CFAP44: variants seen among roughly 807,000 people sequenced by gnomAD.
The protein encoded by CFAP44 is cilia- and flagella-associated protein 44.
CFAP44 carries 134 observed loss-of-function variants against 216.2 expected under a neutral mutation model. That is an observed-to-expected ratio of 0.62 (90% CI 0.54 to 0.72). CFAP44 has a LOEUF of 0.72. Ranked by LOEUF, CFAP44 falls within the 30% of genes least tolerant of loss-of-function variation. CFAP44 has a pLI of 0.00. For missense variants in CFAP44, 2,035 were observed against 2,182.1 expected (o/e 0.93, Z 1.34); for synonymous variants, 700 against 727.6 (o/e 0.96, Z 0.61).
chr3:113,346,826 C>T (rs1298506314), intron 22 of CFAP44, among the ~76,000 whole-genome samples: 2 of 152,236 alleles, frequency 1.3e-5, no homozygotes, highest in African/African-American at 4.8e-5. Flanking sequence ...CCAGCAGCGG[C>T]AAACCACTCG....
At chr3:113,398,456 G>A (rs890904237) in intron 13 of CFAP44, among the ~76,000 whole-genome samples, 1 of 152,144 alleles carries the variant, frequency 6.6e-6, no homozygotes, top group African/African-American at 2.4e-5. Flanking sequence ...AAATCCATAT[G>A]ATCATTACTC....
At chr3:113,356,872 C>T (rs1299718289) in intron 22 of CFAP44, among the ~76,000 whole-genome samples, 1 of 152,008 alleles carries the variant, frequency 6.6e-6, no homozygotes, top group African/African-American at 2.4e-5. Context: ...AAGCCACATA[C>T]TACAGCAAGG....
intron 4 of CFAP44, among the ~76,000 whole-genome samples, chr3:113,421,658 G>A (rs1359416141): frequency 1.3e-5 from 2 of 152,160 alleles, no homozygotes; most frequent in African/African-American, 4.8e-5. Flanking sequence ...ATACAGCCGT[G>A]AAAAGAATGA....
chr3:113,359,910 A>T (rs1343583601), intron 21 of CFAP44, among the ~76,000 whole-genome samples: 1 of 152,202 alleles, frequency 6.6e-6, no homozygotes, highest in Non-Finnish European at 1.5e-5. Context: ...AATCATTTTT[A>T]AAAATTTTGT....
intron 22 of CFAP44, among the ~76,000 whole-genome samples, chr3:113,356,042 A>G (rs1950489979): frequency 1.3e-5 from 2 of 149,602 alleles, no homozygotes; most frequent in Admixed American, 1.3e-4. Context: ...AATGTATATA[A>G]TTATTATAAT....
chr3:113,379,514 T>C lies in CFAP44; in HGVS notation c.2090A>G (p.Glu697Gly), dbSNP rs568793410. The change falls in exon 17 of 35, where the codon GAG becomes GGG. Residue 697 changes from glutamate to glycine, a missense_variant. Transcript: ENST00000393845. ...IEIEKRERQR[E>G]LKEKIREERR... is the part of the protein sequence containing the mutation. Reference sequence around the variant, plus strand: ...TTCTTCCCTTATTTTCTCCTTCAACTCCCTTTGTCTCTCCCTCTTTTCAAT... The same window carrying C: ...TTCTTCCCTTATTTTCTCCTTCAACCCCCTTTGTCTCTCCCTCTTTTCAAT... 6.9e-6 allele frequency: 11 copies of C among 1,599,260 alleles called. No individual in the cohort carries two copies. In the Admixed American group the frequency reaches 1.0e-4, roughly 15 times the overall value.
chr3:113,363,338 T>C (rs1950559316), intron 20 of CFAP44, 31 bp from the exon 21 acceptor site: 14 of 1,586,402 alleles, frequency 8.8e-6, no homozygotes, highest in Non-Finnish European at 1.2e-5. Context: ...CAATAACAGG[T>C]TGTGATACAG....
At chr3:113,297,172 T>C (rs1021881538) in intron 32 of CFAP44, among the ~76,000 whole-genome samples, 2 of 152,094 alleles carry the variant, frequency 1.3e-5, no homozygotes, top group African/African-American at 2.4e-5. Flanking sequence ...ACCAACTAGA[T>C]TATGAGCTTG....
At chr3:113,377,936 C>G (rs1933397762) in intron 17 of CFAP44, among the ~76,000 whole-genome samples, 1 of 152,128 alleles carries the variant, frequency 6.6e-6, no homozygotes, top group Admixed American at 6.5e-5. Context: ...CAGGTGTGAG[C>G]CACTGCACCC....
chr3:113,358,118 T>C (rs544883879), intron 22 of CFAP44, among the ~76,000 whole-genome samples: 6 of 152,168 alleles, frequency 3.9e-5, no homozygotes, highest in Non-Finnish European at 8.8e-5. Flanking sequence ...TCTATTTATA[T>C]GGAATTCACA....
At chr3:113,379,274 A>G (rs372051631) in intron 17 of CFAP44, 32 bp downstream of exon 17, 57 of 1,441,198 alleles carry the variant, frequency 4.0e-5, no homozygotes, top group Non-Finnish European at 5.3e-5. Flanking sequence ...TTGAAATATG[A>G]TTGAGGTAAA....
At chr3:113,396,098 C>T (rs920739312) in intron 14 of CFAP44, among the ~76,000 whole-genome samples, 1 of 152,072 alleles carries the variant, frequency 6.6e-6, no homozygotes, top group African/African-American at 2.4e-5. Context: ...TTCAGAAATT[C>T]ACACAAAAAA....
rs1362987643 is a variant in CFAP44 at position 113,291,091 on chromosome 3, A to G, written c.*466T>C. The G allele has an allele frequency of 6.4e-6, 1 of 156,136 alleles. No homozygotes were observed. Among genetic ancestry groups the G allele is most frequent in the African/African-American group, 2.4e-5 (1 of 41,492 alleles). 9.7% of individuals were successfully genotyped at this position (156,136 alleles called of 1,614,324 possible). On this transcript the variant is annotated 3_prime_UTR_variant, in exon 35 of 35. Coordinates refer to ENST00000393845, the MANE Select transcript of CFAP44 (RefSeq NM_001164496.2). ...TTTCTATTCTAAGATATAGCTGACA[A>G]AATGTCCTTTTCTCCTGCATCCTCT... is the stretch of plus-strand genomic sequence containing the variant.
At chr3:113,351,314 C>A (rs1196533614) in intron 22 of CFAP44, among the ~76,000 whole-genome samples, 1 of 152,130 alleles carries the variant, frequency 6.6e-6, no homozygotes, top group African/African-American at 2.4e-5. Flanking sequence ...GGAAATCAGA[C>A]CCTATCAGTA....
At chr3:113,317,232 G>A (rs1950096847) in intron 28 of CFAP44, among the ~76,000 whole-genome samples, 1 of 152,350 alleles carries the variant, frequency 6.6e-6, no homozygotes, top group Admixed American at 6.5e-5. Flanking sequence ...GATCTCCCCA[G>A]GGAGCAGGCA....
In CFAP44 at chr3:113,369,959, C is replaced by T. The variant is rs149088102; in HGVS notation, c.2444+3452G>A. Among the ~76,000 whole-genome samples the T allele has an allele frequency of 2.4e-4, 36 of 152,274 alleles. No individual in the cohort carries two copies. In the East Asian group the frequency reaches 6.7e-3, roughly 29 times the overall value. ...AGAGAATACTATAAACACCTCTATGCAAATAAACTAGAAAATCTAGAATAA... is the reference window on the plus strand; with the variant it reads ...AGAGAATACTATAAACACCTCTATGTAAATAAACTAGAAAATCTAGAATAA... On this transcript the variant is annotated intron_variant, in intron 18 of 34. Transcript: ENST00000393845.
chr3:113,294,773 G>A lies in CFAP44; in HGVS notation c.5287C>T (p.His1763Tyr). ...RWELMMKTKE[H>Y]TRKLYQMNDL... Reference sequence around the variant, plus strand: ...TTCATCTGATAAAGCTTTCTGGTGTGTTCTTTTGTCTTCATCATCAGTTCC... The same window carrying A: ...TTCATCTGATAAAGCTTTCTGGTGTATTCTTTTGTCTTCATCATCAGTTCC... Residue 1763 changes from histidine (H) to tyrosine (Y), a missense_variant, in exon 34 of 35, where the codon CAC (histidine) becomes TAC (tyrosine). Physicochemically the swap from His to Tyr is moderately conservative, Grantham distance 83. Transcript: ENST00000393845. 1 of 1,535,704 alleles carries A rather than the reference G, an allele frequency of 6.5e-7. No individual in the cohort carries two copies. Among genetic ancestry groups the A allele is most frequent in the Non-Finnish European group, 8.7e-7 (1 of 1,146,288 alleles).
chr3:113,337,113 A>G (rs1950288003), intron 24 of CFAP44, among the ~76,000 whole-genome samples: 1 of 150,662 alleles, frequency 6.6e-6, no homozygotes. Flanking sequence ...GAAAGGTCAC[A>G]GGATACTAGA....
rs1253773461 is a variant in CFAP44 at position 113,379,337 on chromosome 3, T to C, written c.2267A>G (p.Tyr756Cys). 6.2e-7 allele frequency: 1 copy of C among 1,601,292 alleles called. No individual in the cohort carries two copies. The highest frequency in any genetic ancestry group is 1.7e-5 in the Admixed American group (1 of 59,374). Residue 756 changes from tyrosine to cysteine, a missense_variant, in exon 17 of 35, where the codon TAC becomes TGC. By Grantham distance (194) the Tyr-to-Cys change is radical. Transcript: ENST00000393845. Reference protein sequence around the residue: ...STPSPILCGFYSEPGKFWVSL... With the variant: ...STPSPILCGFCSEPGKFWVSL... ...AACCCAGAACTTCCCTGGCTCTGAGTAAAATCCACAGAGGATGGGAGAGGG... is the reference window on the plus strand; with the variant it reads ...AACCCAGAACTTCCCTGGCTCTGAGCAAAATCCACAGAGGATGGGAGAGGG...
Sources: gnomAD v4.1 joint callset for allele counts (sites outside exome capture counted in the v4.1 genomes callset) on GRCh38, gnomAD v4.1.1 for gene constraint, MANE v1.5 for transcripts, NCBI Gene and HGNC (gene_info 2026-07-23, HGNC 2026-07-21) for gene names.